FAM241A: variants seen among roughly 807,000 people sequenced by gnomAD.
FAM241A encodes family with sequence similarity 241 member A, also known as uncharacterized protein FAM241A.
A neutral mutation model predicts 12.2 loss-of-function variants in FAM241A; 7 were observed. That is an observed-to-expected ratio of 0.58 (90% CI 0.33 to 1.08). FAM241A has a LOEUF of 1.08. FAM241A is among the 50% of genes least tolerant of loss of function. FAM241A has a pLI of 0.04. For synonymous variants in FAM241A, 74 were observed against 68.2 expected, an observed-to-expected ratio of 1.08 and a Z score of -0.42; for missense variants, 161 against 169.7, an observed-to-expected ratio of 0.95 and a Z score of 0.29.
intron 1 of FAM241A, among the ~76,000 whole-genome samples, chr4:112,172,714 A>G (rs1449503549): frequency 6.6e-6 from 1 of 152,210 alleles, no homozygotes; most frequent in Non-Finnish European, 1.5e-5. Context: ...AATATTACTT[A>G]TCTAATACTT....
intron 1 of FAM241A, among the ~76,000 whole-genome samples, chr4:112,185,356 C>T (rs1724017320): frequency 1.3e-5 from 2 of 152,146 alleles, no homozygotes; most frequent in South Asian, 4.1e-4. Context: ...GCATCATAAG[C>T]ATCACCTAGA....
chr4:112,155,661 A>T, intron 1 of FAM241A, among the ~76,000 whole-genome samples: 1 of 152,110 alleles, frequency 6.6e-6, no homozygotes, highest in Non-Finnish European at 1.5e-5. Context: ...TCCAATAAAT[A>T]GAAAAATATG....
intron 1 of FAM241A, among the ~76,000 whole-genome samples, chr4:112,157,435 A>G (rs538350539): frequency 6.6e-6 from 1 of 152,238 alleles, no homozygotes; most frequent in African/African-American, 2.4e-5. Flanking sequence ...TGCTTATTCT[A>G]AATAGATAAA....
Position 112,145,664 on chromosome 4 carries a change from G to T in FAM241A, c.84G>T (p.Ala28=). The change falls in exon 1 of 2, where the codon GCG becomes GCT. Residue 28 remains alanine, a synonymous_variant. Transcript: ENST00000309733. Reference sequence around the variant, plus strand: ...GGGACGCGCTGGCGGAGCGGGAGGCGGCAGGGACCGGGTGGGATCCCGGGG... The same window carrying T: ...GGGACGCGCTGGCGGAGCGGGAGGCTGCAGGGACCGGGTGGGATCCCGGGG... The part of the protein sequence containing the change: ...EDGDALAERE[A]AGTGWDPGAS... 2 of 1,216,724 alleles carry T rather than the reference G, an allele frequency of 1.6e-6. No individual in the cohort carries two copies. Among genetic ancestry groups the T allele is most frequent in the Non-Finnish European group, 2.0e-6 (2 of 977,902 alleles). The allele number at this position is 1,216,724 out of a possible 1,614,324, so 75.4% of individuals were successfully genotyped here. A position where few individuals can be genotyped will look rare whatever the true frequency, so the allele number is the denominator to read the frequency against.
At chr4:112,162,796 T>C (rs1347061569) in intron 1 of FAM241A, among the ~76,000 whole-genome samples, 1 of 152,208 alleles carries the variant, frequency 6.6e-6, no homozygotes, top group Non-Finnish European at 1.5e-5. Context: ...CTTCACAGAA[T>C]TGGAAGACAC....
chr4:112,160,591 C>T (rs938635391), intron 1 of FAM241A, among the ~76,000 whole-genome samples: 1 of 152,098 alleles, frequency 6.6e-6, no homozygotes, highest in African/African-American at 2.4e-5. Flanking sequence ...AGTTCCAGAA[C>T]AGCCAAAGCT....
Position 112,192,434 on chromosome 4 carries a change from G to T in FAM241A, c.*5496G>T, listed in dbSNP as rs1030117317. On this transcript the variant is annotated 3_prime_UTR_variant, in exon 2 of 2. Transcript: ENST00000309733. ...ATATGTATACATGTGCCATGCTAGTGTGCTGCACCCATTAACTCGTCATTT... is the reference window on the plus strand; with the variant it reads ...ATATGTATACATGTGCCATGCTAGTTTGCTGCACCCATTAACTCGTCATTT... The T allele has an allele frequency of 2.0e-5, 3 of 151,626 alleles. No homozygotes were observed. The highest frequency in any genetic ancestry group is 4.4e-5 in the Non-Finnish European group (3 of 67,972). 9.4% of individuals were successfully genotyped at this position (151,626 alleles called of 1,614,324 possible).
In FAM241A at chr4:112,155,345, C is replaced by T. The variant is rs1029808178; in HGVS notation, c.153+9612C>T. ...AATGAATGCAAATTTTGGTATTTTT[C>T]TGTTTATAATCATTTCAAAGACTAA... On this transcript the variant is annotated intron_variant, in intron 1 of 1. Coordinates refer to ENST00000309733, the MANE Select transcript of FAM241A (RefSeq NM_152400.3). 3.3e-5 allele frequency among the ~76,000 whole-genome samples: 5 copies of T among 152,080 alleles called. No homozygotes were observed. The East Asian group carries it at 5.8e-4, about 18-fold the overall frequency.
intron 1 of FAM241A, among the ~76,000 whole-genome samples, chr4:112,186,065 A>G (rs1459975279): frequency 6.6e-6 from 1 of 152,184 alleles, no homozygotes; most frequent in East Asian, 1.9e-4. Context: ...AAGATAATAG[A>G]AATAATACTT....
chr4:112,159,437 G>C (rs1466657503), intron 1 of FAM241A, among the ~76,000 whole-genome samples: 1 of 151,908 alleles, frequency 6.6e-6, no homozygotes, highest in African/African-American at 2.4e-5. Flanking sequence ...TCTTTTAAAG[G>C]GTGCATTTAT....
intron 1 of FAM241A, among the ~76,000 whole-genome samples, chr4:112,162,647 A>G (rs1401146633): frequency 6.6e-6 from 1 of 152,228 alleles, no homozygotes; most frequent in Non-Finnish European, 1.5e-5. Flanking sequence ...CCACTGCTCA[A>G]CGAAATAAAA....
At chr4:112,170,832 T>A (rs533205046) in intron 1 of FAM241A, among the ~76,000 whole-genome samples, 1 of 152,072 alleles carries the variant, frequency 6.6e-6, no homozygotes, top group South Asian at 2.1e-4. Context: ...AAGTGGTTAT[T>A]TTCTGGCCAA....
chr4:112,188,653 T>C lies in FAM241A; in HGVS notation c.*1715T>C, dbSNP rs1391140630. On this transcript the variant is annotated 3_prime_UTR_variant, in exon 2 of 2. Coordinates refer to ENST00000309733, the MANE Select transcript of FAM241A (RefSeq NM_152400.3). ...AGAATTGTGAGGTTTTCAATAGATGTCATGAGATTTTGTATATCTACATAA... is the reference window on the plus strand; with the variant it reads ...AGAATTGTGAGGTTTTCAATAGATGCCATGAGATTTTGTATATCTACATAA... 6.6e-6 allele frequency: 1 copy of C among 152,168 alleles called. No individual in the cohort carries two copies. Among genetic ancestry groups the C allele is most frequent in the Non-Finnish European group, 1.5e-5 (1 of 68,004 alleles). 9.4% of individuals were successfully genotyped at this position (152,168 alleles called of 1,614,324 possible).
At chr4:112,162,960 GAGA>G (rs1723509220) in intron 1 of FAM241A, among the ~76,000 whole-genome samples, 2 of 152,102 alleles carry the variant, frequency 1.3e-5, no homozygotes, top group African/African-American at 4.8e-5. Flanking sequence ...TACGAAAACA[GAGA>G]TAGACCAATG....
At chr4:112,158,263 T>C (rs1057062186) in intron 1 of FAM241A, among the ~76,000 whole-genome samples, 2 of 152,146 alleles carry the variant, frequency 1.3e-5, no homozygotes, top group South Asian at 2.1e-4. Context: ...GGCTACGATT[T>C]TCAGGCTTAA....
At chr4:112,185,151 G>C in intron 1 of FAM241A, among the ~76,000 whole-genome samples, 1 of 151,910 alleles carries the variant, frequency 6.6e-6, no homozygotes, top group East Asian at 1.9e-4. Context: ...ATAATTATTT[G>C]AATCATGCCT....
At position 112,145,531 on chromosome 4, in the gene FAM241A, G is replaced by A. The variant is rs1723115178; in HGVS notation, c.-50G>A. The A allele has an allele frequency of 1.6e-6, 2 of 1,219,500 alleles. No individual in the cohort carries two copies. Among genetic ancestry groups the A allele is most frequent in the Non-Finnish European group, 2.0e-6 (2 of 977,964 alleles). 75.5% of individuals were successfully genotyped at this position (1,219,500 alleles called of 1,614,324 possible). ...GGGCGGCGGCGCTGCCTGGTGCGTC[G>A]CGGCGTGGTCCTCCGGCGGCTGTCC... On this transcript the variant is annotated 5_prime_UTR_variant, in exon 1 of 2. Coordinates refer to ENST00000309733, the MANE Select transcript of FAM241A (RefSeq NM_152400.3).
chr4:112,162,961 A>G (rs1177509595), intron 1 of FAM241A, among the ~76,000 whole-genome samples: 1 of 152,174 alleles, frequency 6.6e-6, no homozygotes, highest in Non-Finnish European at 1.5e-5. Context: ...ACGAAAACAG[A>G]GATAGACCAA....
rs984665169 is a variant in FAM241A at position 112,192,707 on chromosome 4, T to C, written c.*5769T>C. 2 of 151,228 alleles carry C rather than the reference T, an allele frequency of 1.3e-5. No homozygotes were observed. The highest frequency in any genetic ancestry group is 4.9e-5 in the African/African-American group (2 of 41,046). 9.4% of individuals were successfully genotyped at this position (151,228 alleles called of 1,614,324 possible). On this transcript the variant is annotated 3_prime_UTR_variant, in exon 2 of 2. Coordinates refer to ENST00000309733, the MANE Select transcript of FAM241A (RefSeq NM_152400.3). ...TTTTTTATGGCTGCATAGTATTCCA[T>C]GGTGTATATGTGCCACATTTTCTTA...
Sources: allele counts gnomAD v4.1 joint callset (sites outside exome capture counted in the v4.1 genomes callset), GRCh38; gene constraint gnomAD v4.1.1; transcripts MANE v1.5; gene names NCBI Gene and HGNC (gene_info 2026-07-23, HGNC 2026-07-21).